FGF14: variants seen among roughly 807,000 people sequenced by gnomAD.
FGF14 encodes fibroblast growth factor 14, also known as fibroblast growth factor homologous factor 4.
Under a neutral mutation model 25.5 loss-of-function variants are expected in FGF14, and 5 were observed. The ratio of observed to expected loss-of-function variants is 0.20; its 90% confidence interval spans 0.10 to 0.41. The LOEUF (loss-of-function observed/expected upper bound fraction) is 0.41, where lower values mean the gene tolerates loss of function less well. FGF14 is among the 10% of genes least tolerant of loss of function. FGF14 has a pLI of 1.00. For synonymous variants in FGF14, 138 were observed against 118.3 expected, an observed-to-expected ratio of 1.17 and a Z score of -1.08; for missense variants, 222 against 320.1, an observed-to-expected ratio of 0.69 and a Z score of 2.34.
chr13:102,233,318 G>A (rs2051170092), intron 1 of FGF14, among the ~76,000 whole-genome samples: 1 of 152,032 alleles, frequency 6.6e-6, no homozygotes, highest in Admixed American at 6.6e-5. Context: ...TTTTAGTAGA[G>A]ATGGATTTCA....
chr13:102,387,800 C>T lies in FGF14; in HGVS notation c.208+13671G>A, dbSNP rs143003189. On this transcript the variant is annotated intron_variant, in intron 1 of 4. Coordinates refer to the FGF14 transcript ENST00000376131. The stretch of plus-strand genomic sequence containing the variant: ...AGGCTGGAGTGCAGTGGCACAATCT[C>T]GGCTCACTGCAACCTCTGCCTCCCA... Among the ~76,000 whole-genome samples the T allele has an allele frequency of 2.1e-3, 321 of 152,138 alleles. 1 individual carries two copies. The highest frequency in any genetic ancestry group is 7.4e-3 in the African/African-American group (305 of 41,488).
chr13:101,996,232 G>GAT lies in FGF14; in HGVS notation c.209-120938_209-120937dup, dbSNP rs796385851. On this transcript the variant is annotated intron_variant, in intron 1 of 4. Coordinates refer to the FGF14 transcript ENST00000376131. ...TGTTTTGAATAGGTACAAATTGCCA[G>GAT]ATATGTGAAAAATGAGAGTGGGAAA... 9.5e-4 allele frequency among the ~76,000 whole-genome samples: 145 copies of GAT among 152,332 alleles called. 1 individual carries two copies. Among genetic ancestry groups the GAT allele is most frequent in the African/African-American group, 3.1e-3 (131 of 41,592 alleles).
intron 1 of FGF14, among the ~76,000 whole-genome samples, chr13:102,374,207 A>C (rs2057967565): frequency 6.6e-6 from 1 of 152,116 alleles, no homozygotes; most frequent in South Asian, 2.1e-4. Flanking sequence ...TACAAAGAAG[A>C]TGCTGCTATT....
intron 3 of FGF14, among the ~76,000 whole-genome samples, chr13:101,728,358 C>G (rs190827084): frequency 7.9e-5 from 12 of 152,078 alleles, no homozygotes; most frequent in African/African-American, 2.9e-4. Context: ...GATGATGCTA[C>G]CTCAGATTAG....
At chr13:102,110,154 A>G (rs2045146231) in intron 1 of FGF14, among the ~76,000 whole-genome samples, 1 of 152,222 alleles carries the variant, frequency 6.6e-6, no homozygotes, top group Non-Finnish European at 1.5e-5. Flanking sequence ...ATTAAAATTT[A>G]TAATAGCTTC....
At chr13:102,345,405 T>TA (rs145752443) in intron 1 of FGF14, among the ~76,000 whole-genome samples, 4,080 of 152,308 alleles carry the variant, frequency 0.027, 79 homozygotes, top group Middle Eastern at 0.15. Context: ...ATTCTTTTTT[T>TA]AAAAAACAGT....
At position 102,311,787 on chromosome 13, in the gene FGF14, C is replaced by T. The variant is rs574462135; in HGVS notation, c.208+89684G>A. 2.0e-5 allele frequency among the ~76,000 whole-genome samples: 3 copies of T among 152,306 alleles called. No homozygotes were observed. The East Asian group carries it at 5.8e-4, about 29-fold the overall frequency. On this transcript the variant is annotated intron_variant, in intron 1 of 4. Transcript: ENST00000376131. Reference sequence around the variant, plus strand: ...GAGAGCTGAACAAGTTATCCCCCATCCCTTTATGGTTCTTAGAAATACAGA... The same window carrying T: ...GAGAGCTGAACAAGTTATCCCCCATTCCTTTATGGTTCTTAGAAATACAGA...
chr13:102,059,357 T>C (rs779272067), intron 1 of FGF14, among the ~76,000 whole-genome samples: 1 of 152,126 alleles, frequency 6.6e-6, no homozygotes, highest in African/African-American at 2.4e-5. Flanking sequence ...ACTCTCACAA[T>C]GAGTGACCAC....
At chr13:102,292,514 A>T (rs1414788458) in intron 1 of FGF14, 1 of 152,144 alleles carries the variant, frequency 6.6e-6, no homozygotes, top group Non-Finnish European at 1.5e-5. Flanking sequence ...GCTCTCGCAT[A>T]TATCTACTAC....
chr13:102,342,509 T>C (rs2056982543), intron 1 of FGF14, among the ~76,000 whole-genome samples: 1 of 152,192 alleles, frequency 6.6e-6, no homozygotes, highest in South Asian at 2.1e-4. Context: ...TGGTGTCTAC[T>C]TTGGTAATTA....
At chr13:101,984,736 A>C (rs918604647) in intron 1 of FGF14, among the ~76,000 whole-genome samples, 1 of 152,168 alleles carries the variant, frequency 6.6e-6, no homozygotes, top group African/African-American at 2.4e-5. Flanking sequence ...ACATACATGA[A>C]GTGAAAAACA....
intron 3 of FGF14, among the ~76,000 whole-genome samples, chr13:101,835,568 C>T (rs1359109708): frequency 6.6e-6 from 1 of 151,932 alleles, no homozygotes; most frequent in African/African-American, 2.4e-5. Context: ...AGCCGAATAT[C>T]AAGGGTAAAA....
chr13:102,363,723 C>T (rs77850433), intron 1 of FGF14, among the ~76,000 whole-genome samples: 3,132 of 152,284 alleles, frequency 0.021, 51 homozygotes, highest in Non-Finnish European at 0.031. Context: ...TGCCTGTGAC[C>T]GCTGTTGGGA....
At chr13:102,266,191 C>T (rs1171504548) in intron 1 of FGF14, among the ~76,000 whole-genome samples, 2 of 152,126 alleles carry the variant, frequency 1.3e-5, no homozygotes, top group Non-Finnish European at 2.9e-5. Context: ...ATAGGCTCAA[C>T]TTCTACTTCC....
At chr13:102,300,031 A>G (rs2054947505) in intron 1 of FGF14, 1 of 152,170 alleles carries the variant, frequency 6.6e-6, no homozygotes, top group Non-Finnish European at 1.5e-5. Context: ...TGGTATTTTT[A>G]AGCTAACTGT....
At chr13:101,730,217 G>A (rs2035715701) in intron 3 of FGF14, among the ~76,000 whole-genome samples, 2 of 152,178 alleles carry the variant, frequency 1.3e-5, no homozygotes, top group South Asian at 4.1e-4. Context: ...GTGGAGGATG[G>A]TTTCGAAAAG....
intron 3 of FGF14, among the ~76,000 whole-genome samples, chr13:101,738,222 T>A (rs532961535): frequency 5.3e-5 from 8 of 152,308 alleles, no homozygotes; most frequent in African/African-American, 1.7e-4. Context: ...CAATTTGATA[T>A]TTCACCTACA....
At chr13:101,931,454 C>A (rs1376167529) in intron 1 of FGF14, among the ~76,000 whole-genome samples, 1 of 152,188 alleles carries the variant, frequency 6.6e-6, no homozygotes, top group Non-Finnish European at 1.5e-5. Context: ...AGAGACTTCA[C>A]AATGAGGCTG....
intron 1 of FGF14, among the ~76,000 whole-genome samples, chr13:102,123,274 A>C (rs2045812295): frequency 1.3e-5 from 2 of 152,200 alleles, no homozygotes; most frequent in Non-Finnish European, 2.9e-5. Context: ...GACTGAGAAG[A>C]AGCTACATTT....
Sources: gnomAD v4.1 joint callset for allele counts (sites outside exome capture counted in the v4.1 genomes callset) on GRCh38, gnomAD v4.1.1 for gene constraint, MANE v1.5 for transcripts, NCBI Gene and HGNC (gene_info 2026-07-23, HGNC 2026-07-21) for gene names.